The following SPECC1 variants were observed in gnomAD, a reference collection of about 807,000 sequenced individuals.
The protein encoded by SPECC1 is cytospin-B.
In SPECC1, 62 loss-of-function variants were observed where a neutral mutation model predicts 104.1. The ratio of observed to expected loss-of-function variants is 0.60; its 90% CI spans 0.49 to 0.74. The LOEUF (loss-of-function observed/expected upper bound fraction) is 0.74, where lower values mean the gene tolerates loss of function less well. SPECC1 is among the 30% of genes least tolerant of loss of function. The pLI is 0.00. For missense variants in SPECC1, 1,306 were observed against 1,310.5 expected (o/e 1.00, Z 0.05); for synonymous variants, 513 against 501.6 (o/e 1.02, Z -0.30).
chr17:20,026,442 A>C (rs1161907528), intron 1 of SPECC1, among the ~76,000 whole-genome samples: 1 of 152,100 alleles, frequency 6.6e-6, no homozygotes, highest in Non-Finnish European at 1.5e-5. Context: ...CATAGCTGTA[A>C]ATTTTTATCC....
intron 1 of SPECC1, among the ~76,000 whole-genome samples, chr17:20,051,068 T>TTTTCTTTTTCTTTC (rs368969491): frequency 1.3e-4 from 12 of 90,772 alleles, no homozygotes; most frequent in Non-Finnish European, 2.5e-4. Context: ...CTTTCTTTCT[T>TTTTCTTTTTCTTTC]TTTCTTTCTT....
At chr17:20,238,878 G>GT (rs1440984032) in intron 7 of SPECC1, 2 of 1,043,328 alleles carry the variant, frequency 1.9e-6, no homozygotes, top group African/African-American at 3.3e-5. Context: ...AAATAAACAT[G>GT]TTATTATATA....
chr17:20,269,266 C>T (rs2040319293), intron 12 of SPECC1, among the ~76,000 whole-genome samples: 1 of 152,154 alleles, frequency 6.6e-6, no homozygotes, highest in Non-Finnish European at 1.5e-5. Context: ...AGGAGGGTTC[C>T]CATTGTTTCC....
intron 11 of SPECC1, among the ~76,000 whole-genome samples, chr17:20,258,754 T>G (rs1270454154): frequency 6.6e-6 from 1 of 152,228 alleles, no homozygotes; most frequent in African/African-American, 2.4e-5. Flanking sequence ...AAATACTGCT[T>G]CTCCTTCAAG....
intron 3 of SPECC1, among the ~76,000 whole-genome samples, chr17:20,117,144 A>C (rs1378197096): frequency 6.6e-6 from 1 of 152,162 alleles, no homozygotes; most frequent in Admixed American, 6.5e-5. Flanking sequence ...GTGGCATTTC[A>C]TATCACGGTG....
At chr17:20,039,103 C>T (rs1251846449) in intron 1 of SPECC1, among the ~76,000 whole-genome samples, 1 of 152,222 alleles carries the variant, frequency 6.6e-6, no homozygotes, top group Non-Finnish European at 1.5e-5. Context: ...CACCTTCTCC[C>T]TCCCCATGCA....
At chr17:20,195,876 T>A (rs1423414061) in intron 3 of SPECC1, among the ~76,000 whole-genome samples, 1 of 152,200 alleles carries the variant, frequency 6.6e-6, no homozygotes, top group African/African-American at 2.4e-5. Context: ...AAAGAGCAGG[T>A]CATAAGCAGG....
intron 3 of SPECC1, among the ~76,000 whole-genome samples, chr17:20,194,502 A>ATTATTTTTTTTTTTTTTTTTTTTT: frequency 0.013 from 1,136 of 86,530 alleles, 175 homozygotes; most frequent in East Asian, 0.022. Flanking sequence ...AAGAGAACGA[A>ATTATTTTTTTTTTTTTTTTTTTTT]TTTTTTTTTT....
intron 4 of SPECC1, among the ~76,000 whole-genome samples, chr17:20,207,306 A>C (rs1375494263): frequency 1.3e-5 from 2 of 152,116 alleles, no homozygotes; most frequent in African/African-American, 4.8e-5. Context: ...CATGTTAAGG[A>C]GTTTCTCTCT....
intron 3 of SPECC1, among the ~76,000 whole-genome samples, chr17:20,144,561 A>G (rs1223468979): frequency 6.6e-6 from 1 of 152,064 alleles, no homozygotes; most frequent in African/African-American, 2.4e-5. Flanking sequence ...CACACAAAAT[A>G]CATAGGAAGG....
intron 1 of SPECC1, among the ~76,000 whole-genome samples, chr17:20,062,253 C>CAAA (rs549906384): frequency 2.6e-5 from 2 of 76,056 alleles, no homozygotes; most frequent in African/African-American, 1.1e-4. Context: ...ACTCTGTCGT[C>CAAA]AAAAAAAAAA....
intron 7 of SPECC1, among the ~76,000 whole-genome samples, chr17:20,236,633 A>G (rs1182563355): frequency 6.8e-6 from 1 of 146,490 alleles, no homozygotes; most frequent in African/African-American, 2.5e-5. Context: ...GGAGGAGCCT[A>G]GTACAGGCAT....
chr17:20,113,902 A>G (rs2048620413), intron 3 of SPECC1, among the ~76,000 whole-genome samples: 1 of 152,236 alleles, frequency 6.6e-6, no homozygotes, highest in Non-Finnish European at 1.5e-5. Context: ...TCAAATACCA[A>G]ATAGTTTTAC....
At position 20,231,747 on chromosome 17, in the gene SPECC1, T is replaced by C; in HGVS notation, c.2072-11T>C. The stretch of plus-strand genomic sequence containing the variant: ...GCTTTTCTAAGCCCTGTCTGAATTA[T>C]TTATTTCTAGGTAGTGTGATCAAGC... On this transcript the variant is annotated splice_polypyrimidine_tract_variant and intron_variant, in intron 5 of 14. Coordinates refer to ENST00000395527, the MANE Select transcript of SPECC1 (RefSeq NM_001243439.2). 1.2e-6 allele frequency: 2 copies of C among 1,613,766 alleles called. No homozygotes were observed. The highest frequency in any genetic ancestry group is 1.7e-6 in the Non-Finnish European group (2 of 1,179,696).
chr17:20,205,971 A>G, intron 4 of SPECC1, 59 bp downstream of exon 4: 2 of 1,537,922 alleles, frequency 1.3e-6, no homozygotes, highest in South Asian at 2.5e-5. Context: ...TTCTGCCCTT[A>G]ACCTCTAAAT....
At chr17:20,103,424 C>T (rs1048408767) in intron 2 of SPECC1, among the ~76,000 whole-genome samples, 9 of 152,188 alleles carry the variant, frequency 5.9e-5, no homozygotes, top group Non-Finnish European at 1.0e-4. Context: ...CCTCCTGATT[C>T]ACTTTGACAT....
At chr17:20,287,748 C>CTT (rs35144997) in intron 12 of SPECC1, among the ~76,000 whole-genome samples, 21 of 146,556 alleles carry the variant, frequency 1.4e-4, no homozygotes, top group South Asian at 6.7e-4. Flanking sequence ...GTACACATAG[C>CTT]TTTTTTTTTT....
At chr17:20,261,636 G>C (rs1011628358) in intron 12 of SPECC1, among the ~76,000 whole-genome samples, 16 of 152,098 alleles carry the variant, frequency 1.1e-4, no homozygotes, top group African/African-American at 3.9e-4. Flanking sequence ...CTATGTAGTT[G>C]GGCCTCCAAA....
At chr17:20,261,100 G>A (rs1331656242) in intron 12 of SPECC1, among the ~76,000 whole-genome samples, 1 of 152,202 alleles carries the variant, frequency 6.6e-6, no homozygotes, top group Non-Finnish European at 1.5e-5. Flanking sequence ...TTGCATGACT[G>A]TTAAGCAGGT....
Sources: allele counts gnomAD v4.1 joint callset (sites outside exome capture counted in the v4.1 genomes callset), GRCh38; gene constraint gnomAD v4.1.1; transcripts MANE v1.5; gene names NCBI Gene and HGNC (gene_info 2026-07-23, HGNC 2026-07-21).